Variants in NPR3 observed in about 807,000 individuals in gnomAD.
The protein encoded by NPR3 is atrial natriuretic peptide receptor 3.
Under a neutral mutation model 54.5 loss-of-function variants are expected in NPR3, and 34 were observed. That is an observed-to-expected ratio of 0.62 (90% CI 0.47 to 0.83). NPR3 has a LOEUF of 0.83. Among genes scored for constraint, NPR3 ranks in the 40% least tolerant of loss-of-function variants. The pLI, the probability that NPR3 is intolerant of heterozygous loss-of-function variation, is 0.00. For missense variants in NPR3, 674 were observed against 720.8 expected (o/e 0.94, Z 0.74); for synonymous variants, 289 against 297.1 (o/e 0.97, Z 0.28).
chr5:32,766,237 G>A (rs1201695169), intron 3 of NPR3, among the ~76,000 whole-genome samples: 1 of 152,224 alleles, frequency 6.6e-6, no homozygotes, highest in Non-Finnish European at 1.5e-5. Context: ...TCCCTAGCAG[G>A]AAGGGGACCA....
chr5:32,765,788 C>G (rs1183552328), intron 3 of NPR3, among the ~76,000 whole-genome samples: 1 of 152,104 alleles, frequency 6.6e-6, no homozygotes, highest in African/African-American at 2.4e-5. Flanking sequence ...TTGGAGGATA[C>G]AGATGACACA....
intron 2 of NPR3, among the ~76,000 whole-genome samples, chr5:32,732,802 A>G (rs926789262): frequency 6.6e-6 from 1 of 152,084 alleles, no homozygotes; most frequent in African/African-American, 2.4e-5. Flanking sequence ...GTTCTAGGAA[A>G]AGACCTCTAT....
intron 1 of NPR3, among the ~76,000 whole-genome samples, chr5:32,700,327 C>T (rs1254819235): frequency 6.6e-6 from 1 of 152,160 alleles, no homozygotes; most frequent in Non-Finnish European, 1.5e-5. Context: ...GCCAGTAACT[C>T]TTGAATTTGC....
At chr5:32,695,867 ATAAT>A (rs1740518821) in intron 1 of NPR3, among the ~76,000 whole-genome samples, 1 of 152,202 alleles carries the variant, frequency 6.6e-6, no homozygotes, top group African/African-American at 2.4e-5. Context: ...TTTAAATCAC[ATAAT>A]TAGATATTTT....
intron 5 of NPR3, among the ~76,000 whole-genome samples, chr5:32,782,046 C>A (rs1173747): frequency 0.6 from 91,262 of 151,916 alleles, 28,201 homozygotes; most frequent in African/African-American, 0.75. Flanking sequence ...GGAGCTGATC[C>A]AACAATCATT....
upstream of NPR3, chr5:32,711,250 G>C (rs1411417868): frequency 5.2e-6 from 3 of 582,482 alleles, no homozygotes; most frequent in Non-Finnish European, 6.0e-6. Flanking sequence ...GCCCGGCCTC[G>C]GCGCGCCATG....
intron 1 of NPR3, among the ~76,000 whole-genome samples, chr5:32,693,195 T>C (rs771137076): frequency 5.9e-5 from 9 of 152,220 alleles, no homozygotes; most frequent in Non-Finnish European, 1.0e-4. Flanking sequence ...ATCGGAATGT[T>C]CTGAAAATTA....
chr5:32,737,788 A>C (rs1388844228), intron 2 of NPR3, among the ~76,000 whole-genome samples: 1 of 152,200 alleles, frequency 6.6e-6, no homozygotes, highest in Non-Finnish European at 1.5e-5. Context: ...CCTGTGAAAC[A>C]CTGGGATACC....
chr5:32,735,381 G>A (rs1187823104), intron 2 of NPR3, among the ~76,000 whole-genome samples: 1 of 150,612 alleles, frequency 6.6e-6, no homozygotes, highest in East Asian at 2.0e-4. Flanking sequence ...GATTCCTCAC[G>A]CACAGTGCTC....
chr5:32,756,517 G>A (rs1256255160), intron 3 of NPR3, among the ~76,000 whole-genome samples: 2 of 152,148 alleles, frequency 1.3e-5, no homozygotes, highest in African/African-American at 4.8e-5. Flanking sequence ...TTTGTCAGAT[G>A]AGTAGATTGC....
At chr5:32,751,071 A>C (rs1279419400) in intron 3 of NPR3, among the ~76,000 whole-genome samples, 6 of 152,146 alleles carry the variant, frequency 3.9e-5, no homozygotes, top group Non-Finnish European at 5.9e-5. Flanking sequence ...TCCTGTTCCC[A>C]GTGTAAGGAG....
Position 32,790,159 on chromosome 5 carries a change from G to A in NPR3, c.*3814G>A, listed in dbSNP as rs1039947325. ...ATATTTTAGAGGCAATTGTGGAAGC[G>A]GAGAGAATGAGATGATGGTGTTCAG... On this transcript the variant is annotated 3_prime_UTR_variant, in exon 8 of 8. Transcript: ENST00000265074. 5 of 179,728 alleles carry A rather than the reference G, an allele frequency of 2.8e-5. No homozygotes were observed. The highest frequency in any genetic ancestry group is 1.1e-4 in the Admixed American group (2 of 17,692). The allele number at this position is 179,728 out of a possible 1,614,324, so 11.1% of individuals were successfully genotyped here. A position where few individuals can be genotyped will look rare whatever the true frequency, so the allele number is the denominator to read the frequency against.
intron 3 of NPR3, among the ~76,000 whole-genome samples, chr5:32,753,033 C>A (rs954907217): frequency 6.6e-6 from 1 of 152,080 alleles, no homozygotes; most frequent in Admixed American, 6.6e-5. Flanking sequence ...TTGCAATTGG[C>A]ACATATTGGC....
chr5:32,738,820 T>G, intron 2 of NPR3, 44 bp from the exon 3 acceptor site: 1 of 1,580,308 alleles, frequency 6.3e-7, no homozygotes, highest in South Asian at 1.1e-5. Context: ...GGCCTCTTTA[T>G]GGTGGCTGGC....
At chr5:32,777,695 A>G (rs1742129841) in intron 4 of NPR3, among the ~76,000 whole-genome samples, 2 of 152,088 alleles carry the variant, frequency 1.3e-5, no homozygotes. Flanking sequence ...CAATTGGTAG[A>G]TTTCATTTCT....
At chr5:32,696,489 CT>C (rs1290192334) in intron 1 of NPR3, among the ~76,000 whole-genome samples, 1 of 150,936 alleles carries the variant, frequency 6.6e-6, no homozygotes, top group Non-Finnish European at 1.5e-5. Context: ...TATTCCGAGT[CT>C]TTTGTGGTTC....
rs138783135 is a variant in NPR3, at chr5:32,770,116, T to G, written c.1060-4592T>G. 4.6e-5 allele frequency among the ~76,000 whole-genome samples: 7 copies of G among 152,288 alleles called. No homozygotes were observed. In the East Asian group the frequency reaches 1.4e-3, roughly 29 times the overall value. ...ACAGTGTTCTTCCATTCTGGCCAGC[T>G]GCAAAGGACAGAAGCAAGAGAATGG... On this transcript the variant is annotated intron_variant, in intron 3 of 7. Coordinates refer to ENST00000265074, the MANE Select transcript of NPR3 (RefSeq NM_001204375.2).
intron 1 of NPR3, among the ~76,000 whole-genome samples, chr5:32,702,984 G>T (rs1211244347): frequency 1.3e-5 from 2 of 152,126 alleles, no homozygotes; most frequent in Non-Finnish European, 2.9e-5. Context: ...TCTCATTGTG[G>T]TTTTGATTTG....
At chr5:32,734,966 C>T (rs1456470108) in intron 2 of NPR3, among the ~76,000 whole-genome samples, 2 of 152,174 alleles carry the variant, frequency 1.3e-5, no homozygotes, top group African/African-American at 4.8e-5. Flanking sequence ...TTTCCTCTTA[C>T]TCCTCTTGCC....
Sources: allele counts gnomAD v4.1 joint callset (sites outside exome capture counted in the v4.1 genomes callset), GRCh38; gene constraint gnomAD v4.1.1; transcripts MANE v1.5; gene names NCBI Gene and HGNC (gene_info 2026-07-23, HGNC 2026-07-21).